Variants in DLG2 observed in about 807,000 individuals in gnomAD.
DLG2 encodes disks large homolog 2.
Under a neutral mutation model 132.5 loss-of-function variants are expected in DLG2, and 45 were observed. The ratio of observed to expected loss-of-function variants is 0.34; its 90% confidence interval spans 0.27 to 0.44. DLG2 has a LOEUF of 0.44. DLG2 is among the 20% of genes least tolerant of loss of function. DLG2 has a pLI of 1.00. For missense variants in DLG2, 1,045 were observed against 1,196.9 expected, an observed-to-expected ratio of 0.87 and a Z score of 1.87; for synonymous variants, 424 against 419.6, an observed-to-expected ratio of 1.01 and a Z score of -0.13.
chr11:85,382,634 ACAACT>A (rs1411909867), intron 3 of DLG2, among the ~76,000 whole-genome samples: 1 of 152,124 alleles, frequency 6.6e-6, no homozygotes, highest in African/African-American at 2.4e-5. Flanking sequence ...AAGAACTATT[ACAACT>A]CAACAACAGA....
chr11:85,094,617 T>C (rs1373802251), intron 6 of DLG2, among the ~76,000 whole-genome samples: 1 of 152,318 alleles, frequency 6.6e-6, no homozygotes, highest in East Asian at 1.9e-4. Context: ...CAACTTTTCC[T>C]CTTGGTCTTC....
chr11:84,118,216 A>G (rs1159977335), intron 9 of DLG2, among the ~76,000 whole-genome samples: 2 of 152,064 alleles, frequency 1.3e-5, no homozygotes, highest in Non-Finnish European at 2.9e-5. Context: ...ATTTATGTTT[A>G]CTCATGCTTC....
chr11:84,855,607 T>A (rs1179881519), intron 6 of DLG2, among the ~76,000 whole-genome samples: 2 of 152,038 alleles, frequency 1.3e-5, no homozygotes, highest in Admixed American at 1.3e-4. Context: ...TCCAAGGTGG[T>A]CACTCCTTGC....
intron 4 of DLG2, among the ~76,000 whole-genome samples, chr11:85,247,213 T>C (rs1486277823): frequency 6.6e-6 from 1 of 152,066 alleles, no homozygotes; most frequent in Non-Finnish European, 1.5e-5. Flanking sequence ...ATCAGAAAAC[T>C]ATTAGAAGGG....
chr11:84,192,487 T>C (rs2096431052), intron 8 of DLG2, among the ~76,000 whole-genome samples: 1 of 152,176 alleles, frequency 6.6e-6, no homozygotes, highest in Non-Finnish European at 1.5e-5. Context: ...TCCCAACATT[T>C]TGGGAGGCTG....
At chr11:84,628,087 T>C in intron 6 of DLG2, among the ~76,000 whole-genome samples, 1 of 137,896 alleles carries the variant, frequency 7.3e-6, no homozygotes, top group Non-Finnish European at 1.6e-5. Context: ...TATATATATA[T>C]GTACACACAT....
At chr11:84,102,115 C>T (rs771084649) in intron 9 of DLG2, among the ~76,000 whole-genome samples, 9 of 152,106 alleles carry the variant, frequency 5.9e-5, no homozygotes, top group South Asian at 4.1e-4. Flanking sequence ...GTGGCTCAGA[C>T]GGTGTCTGCT....
intron 8 of DLG2, among the ~76,000 whole-genome samples, chr11:84,223,138 A>T (rs1484700715): frequency 2.0e-5 from 3 of 152,292 alleles, no homozygotes; most frequent in Middle Eastern, 3.4e-3. Context: ...GAATGATTCA[A>T]TACTGAGATG....
At chr11:84,103,896 T>C (rs2092715937) in intron 9 of DLG2, among the ~76,000 whole-genome samples, 1 of 141,426 alleles carries the variant, frequency 7.1e-6, no homozygotes, top group Non-Finnish European at 1.5e-5. Flanking sequence ...CCGACAATGA[T>C]TTTTTTTTGA....
At chr11:83,657,684 A>C (rs192144492) in intron 18 of DLG2, among the ~76,000 whole-genome samples, 1 of 151,214 alleles carries the variant, frequency 6.6e-6, no homozygotes, top group South Asian at 2.1e-4. Flanking sequence ...GACTACAGGC[A>C]CCCGCCACCA....
intron 18 of DLG2, among the ~76,000 whole-genome samples, chr11:83,734,334 T>C (rs1358567783): frequency 6.7e-6 from 1 of 148,494 alleles, no homozygotes; most frequent in Non-Finnish European, 1.5e-5. Flanking sequence ...TGATCACTAA[T>C]TTTCCCTTCC....
intron 3 of DLG2, among the ~76,000 whole-genome samples, chr11:85,369,293 G>C (rs943571934): frequency 1.3e-5 from 2 of 152,098 alleles, no homozygotes; most frequent in African/African-American, 4.8e-5. Context: ...CCAGACAAAA[G>C]CCACAGCAGC....
chr11:83,913,497 G>A (rs528766898), intron 15 of DLG2, among the ~76,000 whole-genome samples: 1 of 152,130 alleles, frequency 6.6e-6, no homozygotes, highest in South Asian at 2.1e-4. Context: ...AGGCAAACAT[G>A]GAAATCAAGT....
chr11:84,014,826 C>T (rs1214312085), intron 11 of DLG2, among the ~76,000 whole-genome samples: 1 of 147,220 alleles, frequency 6.8e-6, no homozygotes, highest in Non-Finnish European at 1.5e-5. Context: ...CATCCTAATC[C>T]TGATACAGAC....
At chr11:84,293,962 C>T (rs1567200705) in intron 7 of DLG2, among the ~76,000 whole-genome samples, 1 of 152,184 alleles carries the variant, frequency 6.6e-6, no homozygotes, top group Non-Finnish European at 1.5e-5. Flanking sequence ...ATCTTTCCTT[C>T]CCTCCCTGGA....
At chr11:85,469,902 A>G (rs1457403625) in intron 3 of DLG2, among the ~76,000 whole-genome samples, 1 of 152,184 alleles carries the variant, frequency 6.6e-6, no homozygotes, top group Non-Finnish European at 1.5e-5. Flanking sequence ...AACTCATATA[A>G]TGCCCTTCCT....
intron 7 of DLG2, among the ~76,000 whole-genome samples, chr11:84,311,037 A>G (rs1392968178): frequency 6.6e-6 from 1 of 152,034 alleles, no homozygotes; most frequent in Non-Finnish European, 1.5e-5. Context: ...CATCAACACA[A>G]TTCTATTTTA....
At chr11:83,901,886 ATTTT>A (rs904819860) in intron 15 of DLG2, among the ~76,000 whole-genome samples, 2 of 151,522 alleles carry the variant, frequency 1.3e-5, no homozygotes, top group Non-Finnish European at 2.9e-5. Context: ...AGTCTTCATG[ATTTT>A]TTTTTGTGTG....
chr11:83,575,886 T>C (rs1455205307), intron 19 of DLG2, among the ~76,000 whole-genome samples: 1 of 152,040 alleles, frequency 6.6e-6, no homozygotes, highest in Non-Finnish European at 1.5e-5. Context: ...TAGTCAAATA[T>C]TACCAGGCAT....
Sources: gnomAD v4.1 joint callset for allele counts (sites outside exome capture counted in the v4.1 genomes callset) on GRCh38, gnomAD v4.1.1 for gene constraint, MANE v1.5 for transcripts, NCBI Gene and HGNC (gene_info 2026-07-23, HGNC 2026-07-21) for gene names.